Variants in AGXT2 observed in about 807,000 individuals in gnomAD.
AGXT2 encodes alanine--glyoxylate aminotransferase 2, mitochondrial.
Under a neutral mutation model 62.5 loss-of-function variants are expected in AGXT2, and 61 were observed. That is an observed-to-expected ratio of 0.98 (90% confidence interval 0.79 to 1.21). The LOEUF is 1.21. Among genes scored for constraint, AGXT2 ranks in the 50% most tolerant of loss-of-function variants. The probability of loss-of-function intolerance (pLI) is 0.00; values close to 1 mark genes in which losing one functional copy is unlikely to be tolerated. For missense variants in AGXT2, 666 were observed against 641.5 expected (o/e 1.04, Z -0.41); for synonymous variants, 243 against 218.7 (o/e 1.11, Z -0.98).
chr5:35,047,016 G>T (rs1252696443), intron 1 of AGXT2, among the ~76,000 whole-genome samples: 1 of 152,186 alleles, frequency 6.6e-6, no homozygotes, highest in East Asian at 1.9e-4. Context: ...GAGTAGATGG[G>T]GAGGGCCTGG....
intron 9 of AGXT2, among the ~76,000 whole-genome samples, chr5:35,015,722 A>T (rs344163): frequency 9.2e-5 from 14 of 151,696 alleles, no homozygotes; most frequent in Admixed American, 2.0e-4. Context: ...TGGTGGCGGG[A>T]GCCTGTAGTC....
chr5:35,001,291 ACT>A (rs1021734512), intron 13 of AGXT2, among the ~76,000 whole-genome samples: 6 of 151,850 alleles, frequency 4.0e-5, no homozygotes, highest in African/African-American at 1.2e-4. Flanking sequence ...TTCTTCCTCG[ACT>A]CTCTCTGGTT....
At chr5:35,015,885 C>T (rs1432311481) in intron 9 of AGXT2, among the ~76,000 whole-genome samples, 2 of 147,968 alleles carry the variant, frequency 1.4e-5, no homozygotes, top group Non-Finnish European at 3.0e-5. Flanking sequence ...AGTGAGCCTC[C>T]TTTTCAGATT....
chr5:35,003,659 C>T, intron 13 of AGXT2, 104 bp downstream of exon 13: 1 of 1,144,256 alleles, frequency 8.7e-7, no homozygotes, highest in Non-Finnish European at 1.3e-6. Context: ...AAACTGCAAC[C>T]AGCATTAGGA....
At chr5:35,023,569 A>G (rs1401389400) in intron 9 of AGXT2, among the ~76,000 whole-genome samples, 1 of 152,224 alleles carries the variant, frequency 6.6e-6, no homozygotes, top group Non-Finnish European at 1.5e-5. Context: ...CAGCTTCACT[A>G]TGTGCTGATT....
chr5:35,005,154 T>C (rs1413594118), intron 12 of AGXT2, among the ~76,000 whole-genome samples: 2 of 152,122 alleles, frequency 1.3e-5, no homozygotes, highest in Non-Finnish European at 2.9e-5. Flanking sequence ...TAAATATGAT[T>C]TGAGAGGCCA....
intron 7 of AGXT2, among the ~76,000 whole-genome samples, chr5:35,028,232 C>T (rs1367081456): frequency 1.3e-5 from 2 of 152,108 alleles, no homozygotes; most frequent in African/African-American, 4.8e-5. Flanking sequence ...GAAGGGAATG[C>T]ATTTCATTTT....
At chr5:35,021,453 A>G (rs1358635653) in intron 9 of AGXT2, among the ~76,000 whole-genome samples, 6 of 150,938 alleles carry the variant, frequency 4.0e-5, no homozygotes, top group African/African-American at 1.5e-4. Context: ...GACAAACCTG[A>G]GAAAAACAAG....
chr5:35,028,199 G>A (rs564102458), intron 7 of AGXT2, among the ~76,000 whole-genome samples: 2 of 152,096 alleles, frequency 1.3e-5, no homozygotes, highest in South Asian at 2.1e-4. Flanking sequence ...CTGAGAATTC[G>A]TGCTTTCTTG....
chr5:35,015,791 A>T (rs1439758490), intron 9 of AGXT2, among the ~76,000 whole-genome samples: 1 of 140,190 alleles, frequency 7.1e-6, no homozygotes, highest in Non-Finnish European at 1.5e-5. Context: ...CAGAGGTTGC[A>T]GTGAGCCGGG....
chr5:35,006,873 A>C (rs1013857472), intron 12 of AGXT2, among the ~76,000 whole-genome samples: 1 of 152,142 alleles, frequency 6.6e-6, no homozygotes, highest in South Asian at 2.1e-4. Context: ...AGGGGCCTGA[A>C]ATTAATTGAG....
At chr5:35,000,251 C>T (rs1057216064) in intron 13 of AGXT2, among the ~76,000 whole-genome samples, 4 of 152,170 alleles carry the variant, frequency 2.6e-5, no homozygotes, top group African/African-American at 9.7e-5. Context: ...AATTCCCCCA[C>T]TTCCTGAACC....
intron 7 of AGXT2, 95 bp from the exon 8 acceptor site, chr5:35,026,605 A>C: frequency 3.3e-6 from 4 of 1,202,644 alleles, no homozygotes; most frequent in Non-Finnish European, 3.6e-6. Flanking sequence ...AAAAAAAAAA[A>C]ACAACCAGAC....
chr5:35,043,858 T>C (rs1308422383), intron 1 of AGXT2, among the ~76,000 whole-genome samples: 1 of 152,048 alleles, frequency 6.6e-6, no homozygotes, highest in East Asian at 1.9e-4. Flanking sequence ...ACCCGGCTAG[T>C]GTTTTGTATT....
At chr5:35,020,117 G>C (rs545721015) in intron 9 of AGXT2, among the ~76,000 whole-genome samples, 6 of 152,200 alleles carry the variant, frequency 3.9e-5, no homozygotes, top group African/African-American at 1.4e-4. Flanking sequence ...GGACCAGAAG[G>C]ATTCACAGCG....
chr5:35,012,508 G>A (rs1340402025), intron 11 of AGXT2: 1 of 217,908 alleles, frequency 4.6e-6, no homozygotes, highest in African/African-American at 2.3e-5. Flanking sequence ...CAATGGTGTA[G>A]GGGTGAACAG....
At chr5:35,017,647 A>T (rs1173591599) in intron 9 of AGXT2, among the ~76,000 whole-genome samples, 1 of 152,090 alleles carries the variant, frequency 6.6e-6, no homozygotes, top group Admixed American at 6.6e-5. Context: ...TAAACTGGAA[A>T]CTCTAAAAAG....
chr5:35,000,670 C>T (rs1019604984), intron 13 of AGXT2, among the ~76,000 whole-genome samples: 6 of 152,214 alleles, frequency 3.9e-5, no homozygotes, highest in African/African-American at 9.7e-5. Context: ...CGTGAGCCAC[C>T]GTGCCCGGCC....
chr5:35,047,888 G>A lies in AGXT2; in HGVS notation c.5C>T (p.Thr2Ile). 1.2e-6 allele frequency: 2 copies of A among 1,614,024 alleles called. No homozygotes were observed. Among genetic ancestry groups the A allele is most frequent in the South Asian group, 1.1e-5 (1 of 91,080 alleles). The change falls in exon 1 of 14, where the codon ACT becomes ATT. Residue 2 changes from threonine to isoleucine, a missense_variant. Thr to Ile is a moderately conservative substitution (Grantham distance 89). Transcript: ENST00000231420. ...TCTCAGCAAATGTCTCCAGATTAGA[G>A]TCATTTCTCCCACTCAGAAAGCCAA... Reference protein sequence around the residue: MTLIWRHLLRPL... With the variant: MILIWRHLLRPL...
Sources: allele counts gnomAD v4.1 joint callset (sites outside exome capture counted in the v4.1 genomes callset), GRCh38; gene constraint gnomAD v4.1.1; transcripts MANE v1.5; gene names NCBI Gene and HGNC (gene_info 2026-07-23, HGNC 2026-07-21).